The following AHCYL2 variants were observed in gnomAD, a reference collection of about 807,000 sequenced individuals.
AHCYL2 encodes adenosylhomocysteinase like 2, also known as S-adenosylhomocysteine hydrolase-like protein 2.
In AHCYL2, 28 loss-of-function variants were observed where a neutral mutation model predicts 81.4. That is an observed-to-expected ratio of 0.34 (90% CI 0.25 to 0.47). The LOEUF is 0.47. Ranked by LOEUF, AHCYL2 falls within the 20% of genes least tolerant of loss-of-function variation. The pLI is 1.00. For synonymous variants in AHCYL2, 272 were observed against 290.2 expected, an observed-to-expected ratio of 0.94 and a Z score of 0.64; for missense variants, 551 against 785.1, an observed-to-expected ratio of 0.70 and a Z score of 3.56.
chr7:129,374,024 T>A (rs556778819), intron 1 of AHCYL2, among the ~76,000 whole-genome samples: 28 of 152,294 alleles, frequency 1.8e-4, no homozygotes, highest in African/African-American at 6.3e-4. Context: ...TATAATTAGG[T>A]GTTTTAGAAT....
chr7:129,338,426 A>G (rs1793040366), intron 1 of AHCYL2, among the ~76,000 whole-genome samples: 1 of 152,178 alleles, frequency 6.6e-6, no homozygotes, highest in Non-Finnish European at 1.5e-5. Context: ...AAGAACTAGG[A>G]TTACAGGAGT....
intron 1 of AHCYL2, among the ~76,000 whole-genome samples, chr7:129,236,390 G>A (rs1373838821): frequency 2.6e-5 from 4 of 151,810 alleles, no homozygotes; most frequent in African/African-American, 7.3e-5. Flanking sequence ...TCATAGAAAC[G>A]AGGTTTCACG....
rs761396141 is a variant in AHCYL2, at chr7:129,430,207, A to G, written c.*3162A>G. The G allele has an allele frequency of 1.3e-5, 2 of 152,568 alleles. No homozygotes were observed. Among genetic ancestry groups the G allele is most frequent in the Non-Finnish European group, 2.9e-5 (2 of 68,028 alleles). 9.5% of individuals were successfully genotyped at this position (152,568 alleles called of 1,614,324 possible). ...AAAAAACAAATAAAATATTCTTAAC[A>G]TGGACTCTTAAGGGTATTTCTTGTT... is the stretch of plus-strand genomic sequence containing the variant. On this transcript the variant is annotated 3_prime_UTR_variant, in exon 17 of 17. Transcript: ENST00000325006.
chr7:129,354,508 G>A (rs909701927), intron 1 of AHCYL2, among the ~76,000 whole-genome samples: 17 of 152,184 alleles, frequency 1.1e-4, no homozygotes, highest in African/African-American at 3.9e-4. Flanking sequence ...GTATTGACCT[G>A]TGTATCTGGG....
chr7:129,371,343 T>C (rs1794400689), intron 1 of AHCYL2, among the ~76,000 whole-genome samples: 1 of 152,148 alleles, frequency 6.6e-6, no homozygotes, highest in Non-Finnish European at 1.5e-5. Flanking sequence ...GGACTTCATA[T>C]CCCTCAGAGA....
intron 1 of AHCYL2, among the ~76,000 whole-genome samples, chr7:129,340,110 G>A: frequency 6.8e-6 from 1 of 147,226 alleles, no homozygotes; most frequent in Admixed American, 6.7e-5. Flanking sequence ...TTTTAGTAGA[G>A]GCAGGGTTTC....
At chr7:129,253,033 C>A (rs1329011760) in intron 1 of AHCYL2, among the ~76,000 whole-genome samples, 1 of 151,880 alleles carries the variant, frequency 6.6e-6, no homozygotes, top group Non-Finnish European at 1.5e-5. Flanking sequence ...ATGGTGAAAC[C>A]CTGTCTCTAC....
chr7:129,327,782 A>G (rs1584787902), intron 1 of AHCYL2, among the ~76,000 whole-genome samples: 1 of 151,568 alleles, frequency 6.6e-6, no homozygotes. Context: ...AGATATTTTA[A>G]TATTTTAATT....
intron 1 of AHCYL2, among the ~76,000 whole-genome samples, chr7:129,271,623 G>A (rs1430623086): frequency 6.6e-6 from 1 of 152,086 alleles, no homozygotes; most frequent in East Asian, 1.9e-4. Context: ...AAAAACCCGG[G>A]TGCGGGTAAC....
chr7:129,339,077 T>C (rs568641830), intron 1 of AHCYL2, among the ~76,000 whole-genome samples: 5 of 152,382 alleles, frequency 3.3e-5, no homozygotes, highest in African/African-American at 1.2e-4. Flanking sequence ...TGATTTGTTA[T>C]CTAATTCTCA....
chr7:129,352,059 A>G (rs1321332590), intron 1 of AHCYL2, among the ~76,000 whole-genome samples: 1 of 151,850 alleles, frequency 6.6e-6, no homozygotes, highest in Non-Finnish European at 1.5e-5. Flanking sequence ...TTTTTAATGA[A>G]CTGGGAAGTA....
chr7:129,237,385 T>G (rs1393790911), intron 1 of AHCYL2, among the ~76,000 whole-genome samples: 2 of 152,240 alleles, frequency 1.3e-5, no homozygotes, highest in Non-Finnish European at 2.9e-5. Flanking sequence ...CTTTAACTTG[T>G]CTTTCTTAAC....
intron 1 of AHCYL2, among the ~76,000 whole-genome samples, chr7:129,227,072 A>G (rs1794249762): frequency 6.6e-6 from 1 of 152,192 alleles, no homozygotes; most frequent in African/African-American, 2.4e-5. Flanking sequence ...TAGTACCCCC[A>G]TTACTACCTT....
intron 1 of AHCYL2, among the ~76,000 whole-genome samples, chr7:129,318,945 G>A (rs116851063): frequency 6.6e-6 from 1 of 151,952 alleles, no homozygotes; most frequent in Non-Finnish European, 1.5e-5. Flanking sequence ...TTGGGGGTAG[G>A]GGATGGTGGC....
intron 1 of AHCYL2, among the ~76,000 whole-genome samples, chr7:129,242,096 C>T (rs979375402): frequency 9.9e-5 from 15 of 152,148 alleles, no homozygotes; most frequent in African/African-American, 3.4e-4. Flanking sequence ...TTTATGTATT[C>T]TGCAGCCCTC....
Position 129,368,310 on chromosome 7 carries a change from G to A in AHCYL2, c.364-11328G>A. ...AAGCCGGCCAGTAAGGGGTTGTCAG[G>A]CAGTTGACTAATGCTCTTGATTTGA... On this transcript the variant is annotated intron_variant, in intron 1 of 16. Transcript: ENST00000325006. The surrounding 1 kb of genome is among the most constrained non-coding windows in gnomAD (Gnocchi z 4.4). The A allele has an allele frequency of 7.0e-7, 1 of 1,435,478 alleles. No individual in the cohort carries two copies. Among genetic ancestry groups the A allele is most frequent in the Non-Finnish European group, 9.1e-7 (1 of 1,094,496 alleles). 88.9% of individuals were successfully genotyped at this position (1,435,478 alleles called of 1,614,324 possible). A position where few individuals can be genotyped will look rare whatever the true frequency, so the allele number is the denominator to read the frequency against.
intron 1 of AHCYL2, among the ~76,000 whole-genome samples, chr7:129,269,134 T>G (rs1172211571): frequency 4.6e-4 from 1 of 2,178 alleles, no homozygotes; most frequent in South Asian, 0.17. Flanking sequence ...GATTCCTGTT[T>G]TTTTTTTTTT....
At chr7:129,310,323 A>T (rs563583233) in intron 1 of AHCYL2, among the ~76,000 whole-genome samples, 1 of 152,192 alleles carries the variant, frequency 6.6e-6, no homozygotes, top group African/African-American at 2.4e-5. Flanking sequence ...CTCTGAAACC[A>T]TGCTTGCTAA....
intron 1 of AHCYL2, among the ~76,000 whole-genome samples, chr7:129,376,101 A>T (rs1410020335): frequency 1.3e-5 from 2 of 152,102 alleles, no homozygotes; most frequent in African/African-American, 4.8e-5. Flanking sequence ...TGCCTGTTGG[A>T]ATTAGGCAGT....
Sources: gnomAD v4.1 joint callset for allele counts (sites outside exome capture counted in the v4.1 genomes callset) on GRCh38, gnomAD v4.1.1 for gene constraint, Gnocchi (gnomAD v3.1) non-coding constraint, MANE v1.5 for transcripts, NCBI Gene and HGNC (gene_info 2026-07-23, HGNC 2026-07-21) for gene names.